Variants in IGF2BP1 observed in about 807,000 individuals in gnomAD.
The protein encoded by IGF2BP1 is insulin-like growth factor 2 mRNA-binding protein 1.
IGF2BP1 carries 11 observed loss-of-function variants against 74.9 expected under a neutral mutation model. The observed-to-expected ratio is 0.15, with a 90% CI of 0.09 to 0.24. IGF2BP1 has a LOEUF of 0.24. IGF2BP1 is among the 10% of genes least tolerant of loss of function. The pLI is 1.00. For synonymous variants in IGF2BP1, 287 were observed against 281.8 expected (o/e 1.02, Z -0.18); for missense variants, 440 against 757.4 (o/e 0.58, Z 4.92).
chr17:49,011,431 C>T (rs990464089), intron 2 of IGF2BP1, among the ~76,000 whole-genome samples: 32 of 152,220 alleles, frequency 2.1e-4, no homozygotes, highest in African/African-American at 7.7e-4. Context: ...GTTACTTCAC[C>T]GAATTTCCCA....
At chr17:49,029,864 C>G (rs2041902023) in intron 4 of IGF2BP1, among the ~76,000 whole-genome samples, 1 of 150,210 alleles carries the variant, frequency 6.7e-6, no homozygotes, top group Non-Finnish European at 1.5e-5. Flanking sequence ...GTCTCAAATT[C>G]CTGGCACCAC....
chr17:49,033,122 C>A (rs908062584), intron 5 of IGF2BP1, among the ~76,000 whole-genome samples: 1 of 152,026 alleles, frequency 6.6e-6, no homozygotes, highest in African/African-American at 2.4e-5. Flanking sequence ...TTTGTTACCT[C>A]GTTAACATTT....
intron 2 of IGF2BP1, among the ~76,000 whole-genome samples, chr17:49,006,989 T>C (rs1050565643): frequency 2.6e-5 from 4 of 152,178 alleles, no homozygotes; most frequent in Admixed American, 1.3e-4. Flanking sequence ...TCCAGGTTCC[T>C]AGCTGAAATT....
At chr17:49,013,594 GC>G in intron 2 of IGF2BP1, 1 of 152,574 alleles carries the variant, frequency 6.6e-6, no homozygotes, top group Non-Finnish European at 1.5e-5. Flanking sequence ...CAGGCGGGAA[GC>G]CCCCTTCCCC....
rs150236030 is a variant in IGF2BP1 at position 49,030,769 on chromosome 17, A to G, written c.338-1141A>G. On this transcript the variant is annotated intron_variant, in intron 4 of 14. Coordinates refer to ENST00000290341, the MANE Select transcript of IGF2BP1 (RefSeq NM_006546.4). ...AGCCTCCCAAGTAGCTGGGACTATA[A>G]GCGCATGCCAGCACACCCAGCTAAT... 2.6e-3 allele frequency among the ~76,000 whole-genome samples: 391 copies of G among 151,970 alleles called. 2 individuals carry two copies. The highest frequency in any genetic ancestry group is 8.8e-3 in the African/African-American group (364 of 41,470).
At chr17:49,036,419 A>T (rs553671033) in intron 5 of IGF2BP1, 3 of 152,304 alleles carry the variant, frequency 2.0e-5, no homozygotes, top group Non-Finnish European at 2.9e-5. Context: ...CCCTGCGCGA[A>T]GATGGCACGC....
intron 2 of IGF2BP1, chr17:49,004,633 C>T (rs1291031596): frequency 6.6e-6 from 1 of 152,110 alleles, no homozygotes; most frequent in Non-Finnish European, 1.5e-5. Flanking sequence ...ATAACAGAGG[C>T]AGTAATAGTA....
At chr17:48,998,053 G>GACCT (rs1246188132) in intron 1 of IGF2BP1, 133 bp downstream of exon 1, 2 of 901,862 alleles carry the variant, frequency 2.2e-6, no homozygotes, top group Non-Finnish European at 1.6e-6. Flanking sequence ...ACCCACCCTC[G>GACCT]ACCTACCCCC....
At chr17:49,048,044 G>C (rs1445376833) in intron 14 of IGF2BP1, among the ~76,000 whole-genome samples, 1 of 152,028 alleles carries the variant, frequency 6.6e-6, no homozygotes, top group Non-Finnish European at 1.5e-5. Flanking sequence ...AGGAAAGGAA[G>C]CACTCATTTA....
intron 5 of IGF2BP1, among the ~76,000 whole-genome samples, chr17:49,035,373 GAT>G (rs2041973898): frequency 6.6e-6 from 1 of 152,230 alleles, no homozygotes; most frequent in South Asian, 2.1e-4. Flanking sequence ...CTTTACAGTT[GAT>G]GAGACTTAGG....
At chr17:49,012,443 C>G (rs1012087665) in intron 2 of IGF2BP1, 1 of 152,192 alleles carries the variant, frequency 6.6e-6, no homozygotes, top group Admixed American at 6.6e-5. Context: ...GTTTCCTTAC[C>G]TGAATCCTCC....
Position 49,026,497 on chromosome 17 carries a change from C to T in IGF2BP1, c.317C>T (p.Thr106Ile). The change falls in exon 4 of 15, where the codon ACA becomes ATA. Residue 106 changes from threonine to isoleucine, a missense_variant. This residue lies in a region of IGF2BP1 where 105 missense variants were observed against 199.4 expected (regional missense o/e 0.53). Coordinates refer to ENST00000290341, the MANE Select transcript of IGF2BP1 (RefSeq NM_006546.4). ...GACAGCCTGCTGGCTCAGTATGGTACAGTAGAGAACTGTGAGCAAGGTAAG... is the reference window on the plus strand; with the variant it reads ...GACAGCCTGCTGGCTCAGTATGGTATAGTAGAGAACTGTGAGCAAGGTAAG... The part of the protein sequence containing the change: ...VLDSLLAQYG[T>I]VENCEQVNTE... 1.9e-6 allele frequency: 3 copies of T among 1,614,088 alleles called. No homozygotes were observed. Among genetic ancestry groups the T allele is most frequent in the Non-Finnish European group, 2.5e-6 (3 of 1,179,966 alleles).
At chr17:49,021,522 G>GC (rs2041792172) in intron 2 of IGF2BP1, among the ~76,000 whole-genome samples, 3 of 152,096 alleles carry the variant, frequency 2.0e-5, no homozygotes, top group African/African-American at 7.2e-5. Flanking sequence ...GTCCCCACGT[G>GC]CCCCACCCCT....
At chr17:49,008,402 C>G (rs746671589) in intron 2 of IGF2BP1, among the ~76,000 whole-genome samples, 2 of 152,078 alleles carry the variant, frequency 1.3e-5, no homozygotes, top group African/African-American at 2.4e-5. Context: ...GGTTTTCTTC[C>G]TCTCTATATT....
At chr17:49,031,155 A>G (rs559523060) in intron 4 of IGF2BP1, among the ~76,000 whole-genome samples, 85 of 152,062 alleles carry the variant, frequency 5.6e-4, no homozygotes, top group African/African-American at 1.8e-3. Context: ...CTCTCACTCT[A>G]TCACCCCGGC....
intron 5 of IGF2BP1, among the ~76,000 whole-genome samples, chr17:49,034,249 A>C (rs1194299638): frequency 6.6e-6 from 1 of 150,384 alleles, no homozygotes; most frequent in Non-Finnish European, 1.5e-5. Context: ...AGTTGGGACT[A>C]CTGGACTACA....
At chr17:49,038,106 G>A in intron 5 of IGF2BP1, 62 bp from the exon 6 acceptor site, 1 of 1,371,632 alleles carries the variant, frequency 7.3e-7, no homozygotes, top group Non-Finnish European at 9.5e-7. Flanking sequence ...CTTTGGCCAA[G>A]AGAGCATCTG....
chr17:49,025,770 A>G (rs555502110), intron 3 of IGF2BP1, 104 bp downstream of exon 3: 3 of 906,610 alleles, frequency 3.3e-6, no homozygotes, highest in African/African-American at 3.3e-5. Flanking sequence ...GTCTGGGGCC[A>G]GGCTAGGGAG....
intron 14 of IGF2BP1, among the ~76,000 whole-genome samples, chr17:49,049,064 C>G (rs1233727047): frequency 6.6e-6 from 1 of 152,134 alleles, no homozygotes. Context: ...GTTTTAAATT[C>G]TGATGAATGG....
Sources: allele counts gnomAD v4.1 joint callset (sites outside exome capture counted in the v4.1 genomes callset), GRCh38; gene constraint gnomAD v4.1.1; regional missense constraint gnomAD v4.1.1; transcripts MANE v1.5; gene names NCBI Gene and HGNC (gene_info 2026-07-23, HGNC 2026-07-21).